Variants in CYB5A observed in about 807,000 individuals in gnomAD.
CYB5A encodes the protein cytochrome b5.
Under a neutral mutation model 16.2 loss-of-function variants are expected in CYB5A, and 10 were observed. The ratio of observed to expected loss-of-function variants is 0.62; its 90% CI spans 0.38 to 1.04. The LOEUF (loss-of-function observed/expected upper bound fraction) is 1.04. CYB5A is among the 50% of genes least tolerant of loss of function. The pLI, the probability that CYB5A is intolerant of heterozygous loss-of-function variation, is 0.01. For missense variants in CYB5A, 161 were observed against 165.9 expected, an observed-to-expected ratio of 0.97 and a Z score of 0.16; for synonymous variants, 62 against 57.0, an observed-to-expected ratio of 1.09 and a Z score of -0.40.
intron 1 of CYB5A, among the ~76,000 whole-genome samples, chr18:74,283,466 C>T (rs1024999977): frequency 6.6e-6 from 1 of 152,168 alleles, no homozygotes; most frequent in African/African-American, 2.4e-5. Flanking sequence ...TTTAAAAATT[C>T]CTCTACAAGA....
At chr18:74,264,192 C>T (rs1376524457) in intron 1 of CYB5A, among the ~76,000 whole-genome samples, 1 of 135,092 alleles carries the variant, frequency 7.4e-6, no homozygotes, top group Admixed American at 7.7e-5. Flanking sequence ...GCCTAGGCAA[C>T]AAAGTGAGAC....
chr18:74,261,528 G>A (rs1431931335), intron 2 of CYB5A: 2 of 159,448 alleles, frequency 1.3e-5, no homozygotes, highest in Non-Finnish European at 2.8e-5. Context: ...ATGTGTAACG[G>A]CAGGCCTCCC....
Position 74,253,274 on chromosome 18 carries a change from C to A in CYB5A, c.*310G>T, listed in dbSNP as rs1006205345. The A allele has an allele frequency of 3.2e-5, 11 of 345,120 alleles. No individual in the cohort carries two copies. Among genetic ancestry groups the A allele is most frequent in the African/African-American group, 2.4e-4 (11 of 46,572 alleles). 21.4% of individuals were successfully genotyped at this position (345,120 alleles called of 1,614,324 possible). On this transcript the variant is annotated 3_prime_UTR_variant, in exon 5 of 5. Transcript: ENST00000340533. Reference sequence around the variant, plus strand: ...TCTAAACATTAAAGACAATTATACACCAAACAGGCAAACACGGTGCATACT... The same window carrying A: ...TCTAAACATTAAAGACAATTATACAACAAACAGGCAAACACGGTGCATACT...
chr18:74,259,045 G>A (rs548247242), intron 3 of CYB5A: 1 of 152,386 alleles, frequency 6.6e-6, no homozygotes, highest in East Asian at 1.9e-4. Context: ...TCGGGAGGCT[G>A]AGGCAGGAGA....
At chr18:74,254,142 T>C (rs1257201426) in intron 4 of CYB5A, among the ~76,000 whole-genome samples, 1 of 152,170 alleles carries the variant, frequency 6.6e-6, no homozygotes, top group African/African-American at 2.4e-5. Flanking sequence ...ATCACGCCAC[T>C]GCACTCCAGC....
chr18:74,282,242 G>T (rs1983139651), intron 1 of CYB5A, among the ~76,000 whole-genome samples: 1 of 152,214 alleles, frequency 6.6e-6, no homozygotes, highest in Non-Finnish European at 1.5e-5. Flanking sequence ...ACACTAGCAT[G>T]TGCCGTGTGT....
chr18:74,257,297 A>G (rs1452035386), intron 3 of CYB5A: 4 of 183,552 alleles, frequency 2.2e-5, no homozygotes, highest in Non-Finnish European at 4.6e-5. Flanking sequence ...TGGCACCAGC[A>G]TCATCAGCAA....
At chr18:74,266,835 AC>A (rs1982456037) in intron 1 of CYB5A, among the ~76,000 whole-genome samples, 1 of 41,968 alleles carries the variant, frequency 2.4e-5, no homozygotes, top group African/African-American at 6.8e-5. Flanking sequence ...GATTTAAAAA[AC>A]TAAAAAAAAA....
At chr18:74,256,548 G>C (rs1276843935) in intron 3 of CYB5A, 3 of 494,172 alleles carry the variant, frequency 6.1e-6, no homozygotes, top group Non-Finnish European at 1.1e-5. Context: ...AAAAGCTAAG[G>C]TCTAGTGAAA....
At chr18:74,284,699 A>G (rs938254016) in intron 1 of CYB5A, among the ~76,000 whole-genome samples, 4 of 152,126 alleles carry the variant, frequency 2.6e-5, no homozygotes, top group Admixed American at 2.6e-4. Flanking sequence ...CCCTTAACTG[A>G]GCCTAGAGGC....
intron 4 of CYB5A, among the ~76,000 whole-genome samples, chr18:74,254,453 G>A (rs1245647907): frequency 1.4e-5 from 2 of 145,900 alleles, no homozygotes; most frequent in East Asian, 2.0e-4. Context: ...ATAGAATTTC[G>A]ATCTATAAAT....
intron 1 of CYB5A, among the ~76,000 whole-genome samples, chr18:74,289,679 G>A (rs1254188886): frequency 6.6e-6 from 1 of 151,922 alleles, no homozygotes; most frequent in Non-Finnish European, 1.5e-5. Context: ...GGGAGGCTGA[G>A]GCAGGAGAAT....
Position 74,253,241 on chromosome 18 carries a change from A to C in CYB5A, c.*343T>G, listed in dbSNP as rs866667602. 3.1e-5 allele frequency: 10 copies of C among 325,826 alleles called. No homozygotes were observed. Among genetic ancestry groups the C allele is most frequent in the Middle Eastern group, 1.1e-3 (1 of 916 alleles). 20.2% of individuals were successfully genotyped at this position (325,826 alleles called of 1,614,324 possible). A position where few individuals can be genotyped will look rare whatever the true frequency, so the allele number is the denominator to read the frequency against. On this transcript the variant is annotated 3_prime_UTR_variant, in exon 5 of 5. Transcript: ENST00000340533. ...AACACATTGAAGGAATCCTCTAAAT[A>C]ACCAGATTCTAAACATTAAAGACAA... is the stretch of plus-strand genomic sequence containing the variant.
At chr18:74,277,456 C>G (rs1472919876) in intron 1 of CYB5A, among the ~76,000 whole-genome samples, 1 of 152,206 alleles carries the variant, frequency 6.6e-6, no homozygotes, top group Non-Finnish European at 1.5e-5. Flanking sequence ...AGTCACCCAG[C>G]TTGCCTATGG....
At chr18:74,264,230 AGC>A (rs61022301) in intron 1 of CYB5A, among the ~76,000 whole-genome samples, 87,563 of 147,368 alleles carry the variant, frequency 0.59, 27,242 homozygotes, top group Middle Eastern at 0.73. Context: ...AAAAAAAGAG[AGC>A]GAGAAAGAAA....
At chr18:74,276,545 C>CACACAT (rs1158899874) in intron 1 of CYB5A, among the ~76,000 whole-genome samples, 1 of 151,656 alleles carries the variant, frequency 6.6e-6, no homozygotes, top group East Asian at 1.9e-4. Context: ...CACACACACA[C>CACACAT]ACACACACAC....
At chr18:74,261,125 T>C (rs1233427091) in intron 2 of CYB5A, 181 bp from the exon 3 acceptor site, 10 of 590,006 alleles carry the variant, frequency 1.7e-5, no homozygotes, top group Non-Finnish European at 2.8e-5. Flanking sequence ...TAGTAGCAGA[T>C]TAAGTGCCAA....
chr18:74,268,869 CTCCT>C (rs1280439880), intron 1 of CYB5A, among the ~76,000 whole-genome samples: 3 of 152,170 alleles, frequency 2.0e-5, no homozygotes, highest in Non-Finnish European at 4.4e-5. Flanking sequence ...TATCTTGTAG[CTCCT>C]AATGCCTCCC....
At chr18:74,282,652 C>G (rs758630829) in intron 1 of CYB5A, among the ~76,000 whole-genome samples, 2 of 152,188 alleles carry the variant, frequency 1.3e-5, no homozygotes, top group Non-Finnish European at 2.9e-5. Flanking sequence ...CAGGGCCAAG[C>G]CTGACACAGG....
Sources: gnomAD v4.1 joint callset for allele counts (sites outside exome capture counted in the v4.1 genomes callset) on GRCh38, gnomAD v4.1.1 for gene constraint, MANE v1.5 for transcripts, NCBI Gene and HGNC (gene_info 2026-07-23, HGNC 2026-07-21) for gene names.